Variants in XIRP2 observed in about 807,000 individuals in gnomAD.
The protein encoded by XIRP2 is xin actin-binding repeat-containing protein 2.
In XIRP2, 236 loss-of-function variants were observed where a neutral mutation model predicts 277.0. That is an observed-to-expected ratio of 0.85 (90% confidence interval 0.77 to 0.95). XIRP2 has a LOEUF of 0.95. Ranked by LOEUF, XIRP2 falls within the 40% of genes least tolerant of loss-of-function variation. The pLI is 0.00. For synonymous variants in XIRP2, 1,490 were observed against 1,416.5 expected (o/e 1.05, Z -1.17); for missense variants, 4,640 against 4,157.5 (o/e 1.12, Z -3.19).
intron 2 of XIRP2, among the ~76,000 whole-genome samples, chr2:167,094,311 T>C (rs1203442998): frequency 6.6e-6 from 1 of 152,200 alleles, no homozygotes; most frequent in East Asian, 1.9e-4. Context: ...CAGAAGCTCT[T>C]TAGTTTAATT....
Position 167,258,868 on chromosome 2 carries a change from T to C in XIRP2, c.*1051T>C, listed in dbSNP as rs747546220. On this transcript the variant is annotated 3_prime_UTR_variant, in exon 11 of 11. Coordinates refer to ENST00000409195, the MANE Select transcript of XIRP2 (RefSeq NM_152381.6). ...AATCTGAAAAGACTTATTCGAGGAA[T>C]GTACTAGCAATGGCTCTGAAGAAAC... The C allele has an allele frequency of 2.5e-6, 4 of 1,613,222 alleles. No individual in the cohort carries two copies. In the Admixed American group the frequency reaches 6.7e-5, roughly 27 times the overall value.
chr2:167,065,605 T>A (rs1186371222), intron 2 of XIRP2, among the ~76,000 whole-genome samples: 1 of 151,884 alleles, frequency 6.6e-6, no homozygotes, highest in East Asian at 1.9e-4. Context: ...AAATCCATTA[T>A]CTTGTAAAAT....
intron 2 of XIRP2, among the ~76,000 whole-genome samples, chr2:167,068,729 A>G (rs1689367124): frequency 6.6e-6 from 1 of 152,060 alleles, no homozygotes; most frequent in Admixed American, 6.5e-5. Context: ...GCCTTGCTCT[A>G]GAGCAAGCTT....
intron 2 of XIRP2, among the ~76,000 whole-genome samples, chr2:166,908,393 G>A (rs371228318): frequency 1.1e-4 from 16 of 152,070 alleles, no homozygotes; most frequent in Non-Finnish European, 1.9e-4. Flanking sequence ...TCATGTGTGT[G>A]TTGGCTGCAT....
chr2:166,903,407 C>G, intron 1 of XIRP2, 58 bp from the exon 2 acceptor site: 1 of 1,507,752 alleles, frequency 6.6e-7, no homozygotes, highest in Middle Eastern at 1.8e-4. Flanking sequence ...TATTTTGAGT[C>G]TGAAAATGAC....
At chr2:166,920,857 T>C (rs1371929684) in intron 2 of XIRP2, among the ~76,000 whole-genome samples, 2 of 152,078 alleles carry the variant, frequency 1.3e-5, no homozygotes, top group African/African-American at 4.8e-5. Context: ...CCACTGTCAG[T>C]TGGTGGTTGA....
At chr2:166,927,770 A>T (rs964519408) in intron 2 of XIRP2, among the ~76,000 whole-genome samples, 1 of 152,138 alleles carries the variant, frequency 6.6e-6, no homozygotes, top group Non-Finnish European at 1.5e-5. Context: ...GGAATAGGAC[A>T]TGGGCATCCT....
At chr2:167,018,715 T>C (rs1202742241) in intron 2 of XIRP2, among the ~76,000 whole-genome samples, 2 of 152,016 alleles carry the variant, frequency 1.3e-5, no homozygotes, top group Non-Finnish European at 2.9e-5. Context: ...GAGTGATGTC[T>C]TTTCTTAGAC....
Position 167,016,146 on chromosome 2 carries a change from C to T in XIRP2, c.408+112256C>T, listed in dbSNP as rs77764296. ...TTGTCGATTCCGTCCTCCTCCTCAA[C>T]CTGCTCTTCCTCTTTTTTCTCCTTC... is the stretch of plus-strand genomic sequence containing the variant. On this transcript the variant is annotated intron_variant, in intron 2 of 10. Coordinates refer to ENST00000409195, the MANE Select transcript of XIRP2 (RefSeq NM_152381.6). Among the ~76,000 whole-genome samples, 328 of 151,904 alleles carry T rather than the reference C, an allele frequency of 2.2e-3. 2 individuals carry two copies. Among genetic ancestry groups the T allele is most frequent in the African/African-American group, 7.6e-3 (316 of 41,482 alleles).
At chr2:167,042,444 C>T (rs1688681747) in intron 2 of XIRP2, among the ~76,000 whole-genome samples, 1 of 151,960 alleles carries the variant, frequency 6.6e-6, no homozygotes, top group Admixed American at 6.6e-5. Flanking sequence ...TAAAAAGACC[C>T]ATATCAAATG....
chr2:167,182,698 T>G (rs1210507279), intron 3 of XIRP2, among the ~76,000 whole-genome samples: 1 of 152,128 alleles, frequency 6.6e-6, no homozygotes, highest in Admixed American at 6.6e-5. Context: ...TATAAAATGG[T>G]GAAAACACTA....
intron 2 of XIRP2, among the ~76,000 whole-genome samples, chr2:167,002,013 T>A (rs1687387039): frequency 6.6e-6 from 1 of 152,112 alleles, no homozygotes; most frequent in Admixed American, 6.6e-5. Flanking sequence ...TTTGGAAAAA[T>A]ATTACCATGC....
chr2:166,916,185 G>A (rs894699949), intron 2 of XIRP2, among the ~76,000 whole-genome samples: 1 of 152,084 alleles, frequency 6.6e-6, no homozygotes, highest in Non-Finnish European at 1.5e-5. Flanking sequence ...ATAATATCAG[G>A]CATTCAAAAG....
rs183912615 is a variant in XIRP2, at chr2:166,909,919, G to A, written c.408+6029G>A. ...GTTTATATGCTGGATTACATTTACT[G>A]ATTTGCGTATGTTGAACCAGCCTTG... On this transcript the variant is annotated intron_variant, in intron 2 of 10. Coordinates refer to ENST00000409195, the MANE Select transcript of XIRP2 (RefSeq NM_152381.6). Among the ~76,000 whole-genome samples, 338 of 152,288 alleles carry A rather than the reference G, an allele frequency of 2.2e-3. 2 individuals carry two copies. Among genetic ancestry groups the A allele is most frequent in the African/African-American group, 7.3e-3 (303 of 41,564 alleles).
chr2:167,155,032 C>G (rs1261841974), intron 3 of XIRP2, among the ~76,000 whole-genome samples: 1 of 151,710 alleles, frequency 6.6e-6, no homozygotes, highest in Non-Finnish European at 1.5e-5. Flanking sequence ...TACACCCTCC[C>G]AAGACTAAAC....
At position 167,027,140 on chromosome 2, in the gene XIRP2, C is replaced by T. The variant is rs144561471; in HGVS notation, c.409-108769C>T. 6.7e-4 allele frequency among the ~76,000 whole-genome samples: 102 copies of T among 152,296 alleles called. 1 individual carries two copies. Among genetic ancestry groups the T allele is most frequent in the South Asian group, 1.4e-3 (7 of 4,830 alleles). ...ATTCTCTCCGTCACTCTCAGGTACA[C>T]CAATCAGACCTAGATTTGGTCTTTT... On this transcript the variant is annotated intron_variant, in intron 2 of 10. Transcript: ENST00000409195.
chr2:167,041,535 G>A (rs1344818612), intron 2 of XIRP2, among the ~76,000 whole-genome samples: 1 of 152,092 alleles, frequency 6.6e-6, no homozygotes, highest in Admixed American at 6.6e-5. Context: ...ACAATCAGAA[G>A]TATTAACAGC....
intron 7 of XIRP2, among the ~76,000 whole-genome samples, chr2:167,241,295 T>C (rs947042937): frequency 6.6e-6 from 1 of 152,198 alleles, no homozygotes; most frequent in African/African-American, 2.4e-5. Context: ...TGACTATATC[T>C]TTATTTTGAT....
At chr2:166,895,589 A>G (rs1324644818) in intron 1 of XIRP2, among the ~76,000 whole-genome samples, 1 of 143,592 alleles carries the variant, frequency 7.0e-6, no homozygotes, top group Admixed American at 7.3e-5. Context: ...CAACGTTTGC[A>G]GCAGGGTCAC....
Sources: allele counts gnomAD v4.1 joint callset (sites outside exome capture counted in the v4.1 genomes callset), GRCh38; gene constraint gnomAD v4.1.1; transcripts MANE v1.5; gene names NCBI Gene and HGNC (gene_info 2026-07-23, HGNC 2026-07-21).